The following TAF4B variants were observed in gnomAD, a reference collection of about 807,000 sequenced individuals.
TAF4B encodes the protein TATA-box binding protein associated factor 4b.
A neutral mutation model predicts 86.4 loss-of-function variants in TAF4B; 38 were observed. That is an observed-to-expected ratio of 0.44 (90% CI 0.34 to 0.58). TAF4B has a LOEUF of 0.58. Ranked by LOEUF, TAF4B falls within the 20% of genes least tolerant of loss-of-function variation. The pLI is 0.02. For synonymous variants in TAF4B, 388 were observed against 391.2 expected (o/e 0.99, Z 0.10); for missense variants, 988 against 1,027.6 (o/e 0.96, Z 0.53).
At chr18:26,229,363 A>T (rs1323466413) in intron 1 of TAF4B, among the ~76,000 whole-genome samples, 1 of 152,212 alleles carries the variant, frequency 6.6e-6, no homozygotes, top group Non-Finnish European at 1.5e-5. Context: ...GGGTGTACTA[A>T]CTACATTTGT....
chr18:26,238,917 A>G (rs898422302), intron 1 of TAF4B, among the ~76,000 whole-genome samples: 17 of 152,082 alleles, frequency 1.1e-4, no homozygotes, highest in Non-Finnish European at 2.2e-4. Context: ...AAGGACATGA[A>G]CTCATCCTTT....
chr18:26,231,171 C>G (rs1364640000), intron 1 of TAF4B, among the ~76,000 whole-genome samples: 1 of 150,084 alleles, frequency 6.7e-6, no homozygotes. Context: ...TCCTGAGTAC[C>G]TGGGATTACA....
intron 13 of TAF4B, chr18:26,348,754 C>T (rs1210215435): frequency 1.3e-5 from 2 of 154,100 alleles, no homozygotes; most frequent in Non-Finnish European, 2.9e-5. Context: ...CACCAGACAT[C>T]AGATAATCCA....
intron 14 of TAF4B, among the ~76,000 whole-genome samples, chr18:26,388,383 A>G (rs982729337): frequency 2.6e-5 from 4 of 152,262 alleles, no homozygotes; most frequent in Non-Finnish European, 4.4e-5. Flanking sequence ...AAACCAGTAC[A>G]TTCAGTTTAG....
chr18:26,262,284 G>A (rs1388102730), intron 1 of TAF4B, among the ~76,000 whole-genome samples: 1 of 127,872 alleles, frequency 7.8e-6, no homozygotes, highest in African/African-American at 2.6e-5. Flanking sequence ...AGATTGGGAG[G>A]TTAGGAGAGA....
rs1389232464 is a variant in TAF4B, at chr18:26,315,137, TC to T, written c.1833-91del. ...CTCTCTCTCTCTCTCTCTCTCTCTCTCTCTCTCTGTCTCTCTCTCTCTCTCA... is the reference window on the plus strand; with the variant it reads ...CTCTCTCTCTCTCTCTCTCTCTCTCTTCTCTCTGTCTCTCTCTCTCTCTCA... On this transcript the variant is annotated intron_variant, in intron 9 of 14. Transcript: ENST00000269142. 534 of 376,502 alleles carry T rather than the reference TC, an allele frequency of 1.4e-3. 13 individuals are homozygous for T. Among genetic ancestry groups the T allele is most frequent in the Non-Finnish European group, 1.8e-3 (455 of 255,950 alleles). The allele number at this position is 376,502 out of a possible 1,614,324, so 23.3% of individuals were successfully genotyped here. A position where few individuals can be genotyped will look rare whatever the true frequency, so the allele number is the denominator to read the frequency against.
At chr18:26,271,773 A>G (rs1297482919) in intron 3 of TAF4B, among the ~76,000 whole-genome samples, 2 of 151,958 alleles carry the variant, frequency 1.3e-5, no homozygotes, top group African/African-American at 4.8e-5. Context: ...AACATTCAAA[A>G]ATGAGCCGGG....
At chr18:26,315,468 C>T (rs2144666465) in intron 10 of TAF4B, 70 bp downstream of exon 10, 1 of 1,283,806 alleles carries the variant, frequency 7.8e-7, no homozygotes, top group Non-Finnish European at 1.0e-6. Context: ...TCAAAAGAGA[C>T]AACCTGGGTT....
chr18:26,232,225 C>G (rs12963292), intron 1 of TAF4B, among the ~76,000 whole-genome samples: 84 of 152,084 alleles, frequency 5.5e-4, no homozygotes, highest in Admixed American at 3.9e-3. Context: ...AATCTCCCCC[C>G]ACCCCCGTCT....
At chr18:26,259,097 G>A (rs1016475660) in intron 1 of TAF4B, among the ~76,000 whole-genome samples, 1 of 151,508 alleles carries the variant, frequency 6.6e-6, no homozygotes, top group African/African-American at 2.4e-5. Context: ...AGCTTACTTG[G>A]GGTTTCTTGA....
At chr18:26,326,287 A>G (rs2057004477) in intron 11 of TAF4B, among the ~76,000 whole-genome samples, 2 of 152,224 alleles carry the variant, frequency 1.3e-5, no homozygotes, top group South Asian at 2.1e-4. Flanking sequence ...TTTTACATCC[A>G]CAGAATAGAT....
chr18:26,287,579 A>C (rs753273730), intron 7 of TAF4B, among the ~76,000 whole-genome samples: 4 of 152,248 alleles, frequency 2.6e-5, no homozygotes, highest in Non-Finnish European at 5.9e-5. Flanking sequence ...TACATGATGC[A>C]TTAATTAAAA....
chr18:26,367,858 T>G (rs1235181000), intron 14 of TAF4B, among the ~76,000 whole-genome samples: 2 of 152,256 alleles, frequency 1.3e-5, no homozygotes, highest in Non-Finnish European at 2.9e-5. Flanking sequence ...GCACAAAATT[T>G]AATAGACACT....
At chr18:26,259,234 G>A (rs1310227570) in intron 1 of TAF4B, among the ~76,000 whole-genome samples, 2 of 148,150 alleles carry the variant, frequency 1.3e-5, no homozygotes, top group African/African-American at 5.0e-5. Context: ...TTATGCCTAT[G>A]TTGGTGTCTT....
intron 14 of TAF4B, among the ~76,000 whole-genome samples, chr18:26,385,679 GTTTT>G (rs34188640): frequency 9.1e-6 from 1 of 109,786 alleles, no homozygotes; most frequent in African/African-American, 2.8e-5. Flanking sequence ...AATAAACAGC[GTTTT>G]TTTTTTTTTT....
At chr18:26,354,279 G>A (rs1249491751) in intron 13 of TAF4B, among the ~76,000 whole-genome samples, 1 of 152,118 alleles carries the variant, frequency 6.6e-6, no homozygotes, top group African/African-American at 2.4e-5. Flanking sequence ...TCACCCTGTT[G>A]GCCAGGCTGG....
At chr18:26,335,149 A>G (rs2057080489) in intron 12 of TAF4B, 26 bp from the exon 13 acceptor site, 8 of 1,557,114 alleles carry the variant, frequency 5.1e-6, no homozygotes, top group Non-Finnish European at 7.1e-6. Flanking sequence ...AGTAATTTCT[A>G]TTAAAATTTT....
chr18:26,254,764 A>G (rs2144508308), intron 1 of TAF4B, among the ~76,000 whole-genome samples: 1 of 152,326 alleles, frequency 6.6e-6, no homozygotes, highest in Admixed American at 6.5e-5. Flanking sequence ...TCTGCTTTAG[A>G]AGTTTTATAT....
At chr18:26,346,899 A>G (rs77010813) in intron 13 of TAF4B, among the ~76,000 whole-genome samples, 1,025 of 9,934 alleles carry the variant, frequency 0.1, 309 homozygotes, top group South Asian at 0.41. Flanking sequence ...ATATATATAT[A>G]TGTGTGTGTA....
Sources: gnomAD v4.1 joint callset for allele counts (sites outside exome capture counted in the v4.1 genomes callset) on GRCh38, gnomAD v4.1.1 for gene constraint, MANE v1.5 for transcripts, NCBI Gene and HGNC (gene_info 2026-07-23, HGNC 2026-07-21) for gene names.